Variants in SORCS2 observed in about 807,000 individuals in gnomAD.
The protein encoded by SORCS2 is sortilin related VPS10 domain containing receptor 2.
In SORCS2, 100 loss-of-function variants were observed where a neutral mutation model predicts 141.6. The ratio of observed to expected loss-of-function variants is 0.71; its 90% confidence interval spans 0.60 to 0.83. SORCS2 has a LOEUF of 0.83. Ranked by LOEUF, SORCS2 falls within the 40% of genes least tolerant of loss-of-function variation. The pLI, the probability that SORCS2 is intolerant of heterozygous loss-of-function variation, is 0.00. For synonymous variants in SORCS2, 789 were observed against 676.9 expected (o/e 1.17, Z -2.57); for missense variants, 1,646 against 1,560.2 (o/e 1.05, Z -0.93).
In SORCS2 at chr4:7,396,950, T is replaced by C. The variant is rs1577497863; in HGVS notation, c.548+595T>C. 5.3e-5 allele frequency among the ~76,000 whole-genome samples: 8 copies of C among 152,290 alleles called. No individual in the cohort carries two copies. In the South Asian group the frequency reaches 1.7e-3, roughly 32 times the overall value. On this transcript the variant is annotated intron_variant, in intron 2 of 26. Transcript: ENST00000507866. The stretch of plus-strand genomic sequence containing the variant: ...TTTGGTTATCATCCTCCTCAATATT[T>C]ACATCCACTCACCCAGGAAGGGTAC...
intron 1 of SORCS2, among the ~76,000 whole-genome samples, chr4:7,371,817 C>T (rs1306292854): frequency 1.3e-5 from 2 of 152,206 alleles, no homozygotes; most frequent in Admixed American, 6.5e-5. Flanking sequence ...AGGCCTCTGA[C>T]GGAGGCGCTG....
chr4:7,723,646 C>G, intron 18 of SORCS2, 51 bp from the exon 19 acceptor site: 4 of 1,594,100 alleles, frequency 2.5e-6, no homozygotes, highest in Non-Finnish European at 3.4e-6. Flanking sequence ...CCACTCTGGC[C>G]CCTCAGCTTC....
At chr4:7,452,821 TCC>T (rs1728553860) in intron 2 of SORCS2, among the ~76,000 whole-genome samples, 2 of 150,648 alleles carry the variant, frequency 1.3e-5, no homozygotes, top group African/African-American at 4.9e-5. Flanking sequence ...GGGGTCAGGC[TCC>T]GTGTTGGGGT....
At chr4:7,301,607 C>T (rs1450639038) in intron 1 of SORCS2, among the ~76,000 whole-genome samples, 2 of 152,238 alleles carry the variant, frequency 1.3e-5, no homozygotes, top group Non-Finnish European at 2.9e-5. Context: ...CCTAGGTTGG[C>T]GCCTGCTGCC....
At chr4:7,416,431 T>G (rs750855120) in intron 2 of SORCS2, among the ~76,000 whole-genome samples, 11 of 152,144 alleles carry the variant, frequency 7.2e-5, no homozygotes, top group Non-Finnish European at 1.5e-4. Context: ...CTCAGTACTT[T>G]GCATTCTCCC....
chr4:7,710,787 G>A (rs2109031678), intron 14 of SORCS2, among the ~76,000 whole-genome samples: 1 of 152,366 alleles, frequency 6.6e-6, no homozygotes, highest in South Asian at 2.1e-4. Context: ...ACGCGGCAGA[G>A]TCACAGCCGT....
At chr4:7,244,005 T>G (rs1044825618) in intron 1 of SORCS2, among the ~76,000 whole-genome samples, 20 of 152,222 alleles carry the variant, frequency 1.3e-4, no homozygotes, top group African/African-American at 4.6e-4. Context: ...CTGTTCTTGG[T>G]GTTGAGTCGT....
chr4:7,201,516 T>C lies in SORCS2; in HGVS notation c.480+8390T>C, dbSNP rs1477367618. On this transcript the variant is annotated intron_variant, in intron 1 of 26. Transcript: ENST00000507866. This position sits in a 1 kb window ranked among gnomAD's most constrained non-coding sequence, Gnocchi z 4.4. Reference sequence around the variant, plus strand: ...TCGGCGTAGCCGTTACTTTATTTTATGGTGATTTTTCAGAGTCAGGCTAAG... The same window carrying C: ...TCGGCGTAGCCGTTACTTTATTTTACGGTGATTTTTCAGAGTCAGGCTAAG... 1.3e-5 allele frequency among the ~76,000 whole-genome samples: 2 copies of C among 152,284 alleles called. No individual in the cohort carries two copies. The highest frequency in any genetic ancestry group is 2.1e-4 in the South Asian group (1 of 4,826).
intron 4 of SORCS2, among the ~76,000 whole-genome samples, chr4:7,640,487 C>T (rs1021535910): frequency 7.4e-6 from 1 of 134,646 alleles, no homozygotes; most frequent in Non-Finnish European, 1.6e-5. Context: ...TGAGAGAGAG[C>T]CTATGTGAGC....
At chr4:7,527,661 T>A (rs1480514388) in intron 2 of SORCS2, among the ~76,000 whole-genome samples, 1 of 152,080 alleles carries the variant, frequency 6.6e-6, no homozygotes, top group Non-Finnish European at 1.5e-5. Flanking sequence ...TGGGCCTTTG[T>A]TACAGCAGCC....
chr4:7,613,336 G>A (rs369028412), intron 3 of SORCS2, among the ~76,000 whole-genome samples: 4 of 152,346 alleles, frequency 2.6e-5, no homozygotes, highest in Non-Finnish European at 5.9e-5. Flanking sequence ...AGGAAGAGTC[G>A]CGGGCGCTGT....
intron 2 of SORCS2, among the ~76,000 whole-genome samples, chr4:7,415,269 C>G: frequency 6.6e-6 from 1 of 152,202 alleles, no homozygotes; most frequent in East Asian, 1.9e-4. Context: ...TCAACCAGGT[C>G]CTACTGGGCT....
intron 1 of SORCS2, among the ~76,000 whole-genome samples, chr4:7,246,535 A>G (rs188858053): frequency 6.6e-6 from 1 of 152,044 alleles, no homozygotes. Flanking sequence ...AAATGAACCC[A>G]CAGATCTCAC....
At chr4:7,674,500 G>T (rs570590682) in intron 8 of SORCS2, among the ~76,000 whole-genome samples, 34 of 151,400 alleles carry the variant, frequency 2.2e-4, no homozygotes, top group Admixed American at 5.3e-4. Context: ...GTGAACCCGG[G>T]GGGGCAGAGC....
At chr4:7,356,063 G>A (rs1721233952) in intron 1 of SORCS2, among the ~76,000 whole-genome samples, 1 of 152,206 alleles carries the variant, frequency 6.6e-6, no homozygotes, top group Non-Finnish European at 1.5e-5. Context: ...CTTTGCACCA[G>A]CTGTTTGGAG....
At chr4:7,444,075 C>A (rs935021078) in intron 2 of SORCS2, among the ~76,000 whole-genome samples, 1 of 152,238 alleles carries the variant, frequency 6.6e-6, no homozygotes, top group East Asian at 1.9e-4. Context: ...CTCTCCTTCC[C>A]TGTTAGAAGA....
chr4:7,405,881 A>G (rs540823243), intron 2 of SORCS2, among the ~76,000 whole-genome samples: 31 of 152,280 alleles, frequency 2.0e-4, no homozygotes, highest in Admixed American at 3.3e-4. Flanking sequence ...CATGTTGAAT[A>G]CGAGTGGTGA....
intron 1 of SORCS2, among the ~76,000 whole-genome samples, chr4:7,235,263 C>A (rs940220837): frequency 3.9e-5 from 6 of 152,210 alleles, no homozygotes; most frequent in Non-Finnish European, 8.8e-5. Context: ...CTGCTGCCCG[C>A]GCCAGGCTCA....
At chr4:7,485,500 C>G (rs1454793434) in intron 2 of SORCS2, among the ~76,000 whole-genome samples, 1 of 152,276 alleles carries the variant, frequency 6.6e-6, no homozygotes, top group Non-Finnish European at 1.5e-5. Context: ...CTCATGTCTG[C>G]CTTTGGGGCC....
Sources: allele counts gnomAD v4.1 joint callset (sites outside exome capture counted in the v4.1 genomes callset), GRCh38; gene constraint gnomAD v4.1.1; non-coding constraint Gnocchi (gnomAD v3.1); transcripts MANE v1.5; gene names NCBI Gene and HGNC (gene_info 2026-07-23, HGNC 2026-07-21).